NSD3: variants seen among roughly 807,000 people sequenced by gnomAD.
The protein encoded by NSD3 is nuclear receptor binding SET domain protein 3.
A neutral mutation model predicts 160.8 loss-of-function variants in NSD3; 24 were observed. The observed-to-expected ratio is 0.15, with a 90% confidence interval of 0.11 to 0.21. NSD3 has a LOEUF of 0.21. Ranked by LOEUF, NSD3 falls within the 10% of genes least tolerant of loss-of-function variation. NSD3 has a pLI of 1.00. For synonymous variants in NSD3, 520 were observed against 600.0 expected, an observed-to-expected ratio of 0.87 and a Z score of 1.95; for missense variants, 1,157 against 1,735.9, an observed-to-expected ratio of 0.67 and a Z score of 5.93.
At chr8:38,292,133 T>C (rs1014050723) in intron 16 of NSD3, among the ~76,000 whole-genome samples, 1 of 152,246 alleles carries the variant, frequency 6.6e-6, no homozygotes, top group Non-Finnish European at 1.5e-5. Context: ...TTGTTTTAGA[T>C]ATTTCTTATC....
rs956780923 is a variant in NSD3, at chr8:38,382,240, G to C, written c.-486C>G. 1.2e-3 allele frequency: 209 copies of C among 169,574 alleles called. 1 individual carries two copies. Among genetic ancestry groups the C allele is most frequent in the Non-Finnish European group, 1.7e-3 (141 of 81,946 alleles). The allele number at this position is 169,574 out of a possible 1,614,324, so 10.5% of individuals were successfully genotyped here. A position where few individuals can be genotyped will look rare whatever the true frequency, so the allele number is the denominator to read the frequency against. On this transcript the variant is annotated 5_prime_UTR_variant, in exon 1 of 24. Transcript: ENST00000317025. The surrounding 1 kb of genome is among the most constrained non-coding windows in gnomAD (Gnocchi z 4.2). ...CGCCTCCGTGCTGGCCGCCGCCGCCGCCTCTCCCGCCGCCGCCGCGCACAA... is the reference window on the plus strand; with the variant it reads ...CGCCTCCGTGCTGGCCGCCGCCGCCCCCTCTCCCGCCGCCGCCGCGCACAA...
At chr8:38,285,634 T>C (rs1444001937) in intron 19 of NSD3, among the ~76,000 whole-genome samples, 1 of 152,272 alleles carries the variant, frequency 6.6e-6, no homozygotes, top group Non-Finnish European at 1.5e-5. Flanking sequence ...TTAAAGTGGA[T>C]GGATTTCAGG....
intron 1 of NSD3, among the ~76,000 whole-genome samples, chr8:38,370,138 G>A (rs930419767): frequency 6.6e-6 from 1 of 152,034 alleles, no homozygotes; most frequent in Non-Finnish European, 1.5e-5. Flanking sequence ...CGGCTTAAGC[G>A]AACATAACAA....
intron 1 of NSD3, among the ~76,000 whole-genome samples, chr8:38,349,689 ATATG>A (rs72231056): frequency 0.16 from 21,373 of 131,208 alleles, 2,114 homozygotes; most frequent in Non-Finnish European, 0.2. Context: ...ATATATATAT[ATATG>A]TATTTATTAT....
At chr8:38,338,196 A>G (rs1810271059) in intron 3 of NSD3, among the ~76,000 whole-genome samples, 1 of 152,012 alleles carries the variant, frequency 6.6e-6, no homozygotes, top group Non-Finnish European at 1.5e-5. Flanking sequence ...GCTATTCGGC[A>G]AGCTGAGGCA....
chr8:38,379,533 T>G (rs961278281), intron 1 of NSD3, among the ~76,000 whole-genome samples: 1 of 152,114 alleles, frequency 6.6e-6, no homozygotes, highest in African/African-American at 2.4e-5. Flanking sequence ...TTCAAACAAA[T>G]TCAGGCTGAA....
intron 19 of NSD3, among the ~76,000 whole-genome samples, chr8:38,282,627 C>T (rs189982278): frequency 6.6e-6 from 1 of 152,224 alleles, no homozygotes; most frequent in East Asian, 1.9e-4. Context: ...GCCGAGATCG[C>T]GCCACTGCCC....
chr8:38,364,734 T>C (rs1811067676), intron 1 of NSD3, among the ~76,000 whole-genome samples: 1 of 152,334 alleles, frequency 6.6e-6, no homozygotes, highest in Non-Finnish European at 1.5e-5. Flanking sequence ...AAACTTGTAG[T>C]AATAAAGACA....
chr8:38,288,663 C>T lies in NSD3; in HGVS notation c.3325G>A (p.Gly1109Ser). ...NCKPADENPC[G>S]LESECLNRML... ...CTGTTCAGGCACTCCGATTCCAAGCCACAAGGGTTTTCATCAGCTGGCTTG... is the reference window on the plus strand; with the variant it reads ...CTGTTCAGGCACTCCGATTCCAAGCTACAAGGGTTTTCATCAGCTGGCTTG... Residue 1109 changes from glycine (G) to serine (S), a missense_variant, in exon 19 of 24, where the codon GGC (glycine) becomes AGC (serine). Around this residue, in one of 10 missense-constraint regions of NSD3, gnomAD observed 437 missense variants for 576.6 expected, o/e 0.76. Coordinates refer to ENST00000317025, the MANE Select transcript of NSD3 (RefSeq NM_023034.2). The surrounding 1 kb of genome is among the most constrained non-coding windows in gnomAD (Gnocchi z 4.5). The T allele has an allele frequency of 6.2e-7, 1 of 1,614,198 alleles. No homozygotes were observed. The highest frequency in any genetic ancestry group is 8.5e-7 in the Non-Finnish European group (1 of 1,180,032).
intron 1 of NSD3, among the ~76,000 whole-genome samples, chr8:38,365,963 G>A (rs1297464679): frequency 6.6e-6 from 1 of 151,896 alleles, no homozygotes; most frequent in Non-Finnish European, 1.5e-5. Flanking sequence ...TAAATGTTAT[G>A]TAAACATAAC....
At chr8:38,300,790 T>C (rs1003807363) in intron 14 of NSD3, among the ~76,000 whole-genome samples, 1 of 152,194 alleles carries the variant, frequency 6.6e-6, no homozygotes, top group African/African-American at 2.4e-5. Context: ...TGATGTAGGA[T>C]TTACAATACA....
intron 22 of NSD3, among the ~76,000 whole-genome samples, chr8:38,277,736 A>C (rs1808633510): frequency 1.3e-5 from 2 of 152,184 alleles, no homozygotes; most frequent in South Asian, 4.1e-4. Flanking sequence ...GTTTTTAAAA[A>C]GTTTTAAATT....
At chr8:38,328,266 G>C (rs1809964513) in intron 6 of NSD3, among the ~76,000 whole-genome samples, 1 of 152,100 alleles carries the variant, frequency 6.6e-6, no homozygotes, top group African/African-American at 2.4e-5. Context: ...GTTTTATCTT[G>C]AATTTCCTTT....
chr8:38,314,592 A>C, intron 12 of NSD3, 55 bp downstream of exon 12: 1 of 1,608,978 alleles, frequency 6.2e-7, no homozygotes, highest in Non-Finnish European at 8.5e-7. Flanking sequence ...GTCAGTGCAC[A>C]TTCCTGGCAC....
intron 14 of NSD3, among the ~76,000 whole-genome samples, chr8:38,301,993 G>A (rs1809288600): frequency 6.6e-6 from 1 of 152,220 alleles, no homozygotes; most frequent in Non-Finnish European, 1.5e-5. Context: ...TAAAGAATGT[G>A]CACTACACTG....
intron 2 of NSD3, among the ~76,000 whole-genome samples, chr8:38,344,489 G>C (rs1249595407): frequency 6.6e-6 from 1 of 152,104 alleles, no homozygotes; most frequent in African/African-American, 2.4e-5. Flanking sequence ...GGCCAGGCTG[G>C]TCTTGAACTC....
In NSD3 at chr8:38,329,580, T is replaced by C; in HGVS notation, c.1379A>G (p.Glu460Gly). Residue 460 changes from glutamate (E) to glycine (G), a missense_variant, in exon 6 of 24, where the codon GAG becomes GGG. Physicochemically the swap from Glu to Gly is moderately conservative, Grantham distance 98. Around this residue, in one of 10 missense-constraint regions of NSD3, gnomAD observed 168 missense variants for 208.1 expected, o/e 0.81. Coordinates refer to ENST00000317025, the MANE Select transcript of NSD3 (RefSeq NM_023034.2). This position sits in a 1 kb window ranked among gnomAD's most constrained non-coding sequence, Gnocchi z 4.8. ...HSQRRHTSAE[E>G]EEPPPVKIAW... Reference sequence around the variant, plus strand: ...TATTTTAACAGGCGGTGGCTCTTCCTCTTCCGCACTTGTGTGCCGCCTCTG... The same window carrying C: ...TATTTTAACAGGCGGTGGCTCTTCCCCTTCCGCACTTGTGTGCCGCCTCTG... The C allele has an allele frequency of 6.2e-7, 1 of 1,614,220 alleles. No homozygotes were observed. Among genetic ancestry groups the C allele is most frequent in the Non-Finnish European group, 8.5e-7 (1 of 1,180,040 alleles).
chr8:38,324,775 C>T (rs187815361), intron 7 of NSD3, among the ~76,000 whole-genome samples: 1 of 152,236 alleles, frequency 6.6e-6, no homozygotes, highest in Admixed American at 6.5e-5. Context: ...CCCCATCCTC[C>T]GAGAAGGGGA....
At chr8:38,338,127 C>A (rs754292291) in intron 3 of NSD3, among the ~76,000 whole-genome samples, 14 of 152,054 alleles carry the variant, frequency 9.2e-5, no homozygotes, top group Non-Finnish European at 2.1e-4. Context: ...CAGTGAAACC[C>A]CGTCTCTACT....
Sources: allele counts gnomAD v4.1 joint callset (sites outside exome capture counted in the v4.1 genomes callset), GRCh38; gene constraint gnomAD v4.1.1; regional missense constraint gnomAD v4.1.1; non-coding constraint Gnocchi (gnomAD v3.1); transcripts MANE v1.5; gene names NCBI Gene and HGNC (gene_info 2026-07-23, HGNC 2026-07-21).